Variants in CCN4 observed in about 807,000 individuals in gnomAD.
CCN4 encodes the protein CCN family member 4.
CCN4 carries 30 observed loss-of-function variants against 36.7 expected under a neutral mutation model. The ratio of observed to expected loss-of-function variants is 0.82; its 90% CI spans 0.61 to 1.11. CCN4 has a LOEUF of 1.11. Ranked by LOEUF, CCN4 falls within the 50% of genes least tolerant of loss-of-function variation. The pLI is 0.00. For synonymous variants in CCN4, 191 were observed against 195.4 expected (o/e 0.98, Z 0.19); for missense variants, 505 against 504.9 (o/e 1.00, Z 0.00).
chr8:133,216,279 T>C (rs113126359), intron 2 of CCN4, among the ~76,000 whole-genome samples: 5,153 of 152,270 alleles, frequency 0.034, 342 homozygotes, highest in Admixed American at 0.17. Flanking sequence ...AGGCTAAATC[T>C]GTCCTTAAAG....
intron 1 of CCN4, among the ~76,000 whole-genome samples, chr8:133,209,503 G>A (rs1470576171): frequency 6.6e-6 from 1 of 152,206 alleles, no homozygotes; most frequent in Admixed American, 6.5e-5. Flanking sequence ...CCTCTGCCCA[G>A]GGATGCCATA....
intron 3 of CCN4, among the ~76,000 whole-genome samples, chr8:133,224,241 T>C (rs1238453155): frequency 8.4e-5 from 12 of 142,728 alleles, no homozygotes; most frequent in Admixed American, 1.4e-4. Context: ...TTTTTTTTTT[T>C]TTTTTTTTTT....
intron 3 of CCN4, among the ~76,000 whole-genome samples, chr8:133,221,909 G>A (rs1854544714): frequency 6.6e-6 from 1 of 151,128 alleles, no homozygotes. Context: ...GTCAATTAAT[G>A]GATGGATGGA....
At chr8:133,201,570 G>C (rs1207489578) in intron 1 of CCN4, among the ~76,000 whole-genome samples, 1 of 152,162 alleles carries the variant, frequency 6.6e-6, no homozygotes, top group Non-Finnish European at 1.5e-5. Context: ...AGCCAGGTGT[G>C]GTAGCTCATG....
chr8:133,210,323 G>A (rs1853960542), intron 1 of CCN4, among the ~76,000 whole-genome samples: 1 of 151,886 alleles, frequency 6.6e-6, no homozygotes, highest in Non-Finnish European at 1.5e-5. Context: ...TGCTCATGAG[G>A]CTCTGAGGCT....
At chr8:133,206,703 G>T (rs1369768975) in intron 1 of CCN4, among the ~76,000 whole-genome samples, 3 of 152,150 alleles carry the variant, frequency 2.0e-5, no homozygotes, top group Non-Finnish European at 2.9e-5. Flanking sequence ...CTCAGGGGAT[G>T]AGCTGCCTCA....
intron 1 of CCN4, 58 bp downstream of exon 1, chr8:133,191,271 T>C (rs1588174282): frequency 3.2e-6 from 5 of 1,545,034 alleles, no homozygotes; most frequent in East Asian, 2.3e-5. Flanking sequence ...TACTGGGTCC[T>C]GCTACATGGG....
rs1346875410 is a variant in CCN4 at position 133,225,662 on chromosome 8, C to G, written c.804+79C>G. ...TTTGAGCCTGGCTCCTGAACTTCCTCGTGGGGAGCATTTGTAAAGTGGGAA... is the reference window on the plus strand; with the variant it reads ...TTTGAGCCTGGCTCCTGAACTTCCTGGTGGGGAGCATTTGTAAAGTGGGAA... On this transcript the variant is annotated intron_variant, in intron 4 of 4. Coordinates refer to ENST00000250160, the MANE Select transcript of CCN4 (RefSeq NM_003882.4). 4 of 1,358,620 alleles carry G rather than the reference C, an allele frequency of 2.9e-6. No homozygotes were observed. In the East Asian group the frequency reaches 1.0e-4, roughly 34 times the overall value. 84.2% of individuals were successfully genotyped at this position (1,358,620 alleles called of 1,614,324 possible). A position where few individuals can be genotyped will look rare whatever the true frequency, so the allele number is the denominator to read the frequency against.
intron 1 of CCN4, among the ~76,000 whole-genome samples, chr8:133,210,131 G>A (rs1853949847): frequency 1.3e-5 from 2 of 152,166 alleles, no homozygotes; most frequent in African/African-American, 4.8e-5. Context: ...AAGCCCTACT[G>A]TGTGCTCTGT....
At chr8:133,193,917 G>T (rs1037529087) in intron 1 of CCN4, among the ~76,000 whole-genome samples, 1 of 152,128 alleles carries the variant, frequency 6.6e-6, no homozygotes, top group Non-Finnish European at 1.5e-5. Flanking sequence ...CAGAGTAGAG[G>T]GGCTGGAATC....
Position 133,212,703 on chromosome 8 carries a change from T to C in CCN4, c.70-161T>C, listed in dbSNP as rs557233396. Reference sequence around the variant, plus strand: ...GGCTCCTCTGTTCTATTTGTTTTACTGAGAATAAAGGAGATGTTTGGCTAT... The same window carrying C: ...GGCTCCTCTGTTCTATTTGTTTTACCGAGAATAAAGGAGATGTTTGGCTAT... On this transcript the variant is annotated intron_variant, in intron 1 of 4. Transcript: ENST00000250160. 2.0e-5 allele frequency among the ~76,000 whole-genome samples: 3 copies of C among 152,344 alleles called. No homozygotes were observed. In the South Asian group the frequency reaches 6.2e-4, roughly 32 times the overall value.
intron 1 of CCN4, among the ~76,000 whole-genome samples, chr8:133,191,706 G>C (rs1023376706): frequency 2.0e-5 from 3 of 152,142 alleles, no homozygotes; most frequent in African/African-American, 4.8e-5. Flanking sequence ...AAAAAAATTG[G>C]AAAGAAAAAT....
intron 2 of CCN4, among the ~76,000 whole-genome samples, chr8:133,217,936 C>CCACACACACACACGCACACACA (rs56318195): frequency 0.34 from 49,365 of 144,310 alleles, 9,737 homozygotes; most frequent in Middle Eastern, 0.46. Flanking sequence ...ACTCCCTTCT[C>CCACACACACACACGCACACACA]CACACACACA....
intron 2 of CCN4, among the ~76,000 whole-genome samples, chr8:133,214,453 G>T (rs1454397117): frequency 6.6e-6 from 1 of 151,542 alleles, no homozygotes; most frequent in Non-Finnish European, 1.5e-5. Context: ...CTTTCTAATG[G>T]CCTTTGCTTT....
At chr8:133,209,659 G>C (rs1853920068) in intron 1 of CCN4, among the ~76,000 whole-genome samples, 1 of 152,208 alleles carries the variant, frequency 6.6e-6, no homozygotes, top group South Asian at 2.1e-4. Context: ...AGTGATCCCA[G>C]GAGTGGGATA....
intron 1 of CCN4, among the ~76,000 whole-genome samples, chr8:133,207,042 A>C (rs1011510944): frequency 2.6e-5 from 4 of 152,192 alleles, no homozygotes. Context: ...GAGTGTAAGC[A>C]CAGGCTTAGA....
intron 2 of CCN4, among the ~76,000 whole-genome samples, chr8:133,218,732 C>A (rs896336094): frequency 6.6e-6 from 1 of 152,160 alleles, no homozygotes; most frequent in Non-Finnish European, 1.5e-5. Context: ...TTTCCAGAAG[C>A]TGTCCTCCAG....
At chr8:133,200,263 G>A (rs1377052726) in intron 1 of CCN4, among the ~76,000 whole-genome samples, 3 of 152,224 alleles carry the variant, frequency 2.0e-5, no homozygotes, top group Non-Finnish European at 2.9e-5. Context: ...TACAGAGAAA[G>A]TGACTTGTCC....
intron 1 of CCN4, among the ~76,000 whole-genome samples, chr8:133,204,165 C>T (rs1030903832): frequency 3.9e-5 from 6 of 152,162 alleles, no homozygotes; most frequent in African/African-American, 9.7e-5. Flanking sequence ...GTCTTATCAT[C>T]GGGAGATACT....
Sources: allele counts gnomAD v4.1 joint callset (sites outside exome capture counted in the v4.1 genomes callset), GRCh38; gene constraint gnomAD v4.1.1; transcripts MANE v1.5; gene names NCBI Gene and HGNC (gene_info 2026-07-23, HGNC 2026-07-21).